SEMA3A: variants seen among roughly 807,000 people sequenced by gnomAD.
SEMA3A encodes the protein semaphorin-3A.
A neutral mutation model predicts 97.9 loss-of-function variants in SEMA3A; 29 were observed. That is an observed-to-expected ratio of 0.30 (90% CI 0.22 to 0.40). SEMA3A has a LOEUF of 0.40. SEMA3A is among the 10% of genes least tolerant of loss of function. SEMA3A has a pLI of 1.00. For synonymous variants in SEMA3A, 321 were observed against 323.7 expected (o/e 0.99, Z 0.09); for missense variants, 763 against 951.3 (o/e 0.80, Z 2.60).
intron 5 of SEMA3A, among the ~76,000 whole-genome samples, chr7:84,055,603 C>T (rs1280306140): frequency 2.6e-5 from 4 of 152,168 alleles, no homozygotes; most frequent in African/African-American, 9.7e-5. Flanking sequence ...CGCCCACTGT[C>T]TGGCACTCCC....
At chr7:84,348,718 C>T (rs985730194) in intron 2 of SEMA3A, among the ~76,000 whole-genome samples, 2 of 152,178 alleles carry the variant, frequency 1.3e-5, no homozygotes, top group African/African-American at 4.8e-5. Context: ...GGTGCAGTGG[C>T]TCACGCCTGT....
chr7:84,405,075 C>T (rs1804037557), intron 1 of SEMA3A, among the ~76,000 whole-genome samples: 1 of 152,110 alleles, frequency 6.6e-6, no homozygotes, highest in South Asian at 2.1e-4. Context: ...GGGCTAAATG[C>T]TCCAATTAAA....
At chr7:84,120,312 T>C (rs1020014886) in intron 3 of SEMA3A, among the ~76,000 whole-genome samples, 1 of 152,214 alleles carries the variant, frequency 6.6e-6, no homozygotes, top group East Asian at 1.9e-4. Flanking sequence ...TTATTTGCCA[T>C]GTATCTTTTA....
intron 1 of SEMA3A, among the ~76,000 whole-genome samples, chr7:84,173,007 C>T (rs1797440123): frequency 6.6e-6 from 1 of 152,096 alleles, no homozygotes; most frequent in South Asian, 2.1e-4. Flanking sequence ...TCTACATTAT[C>T]TTGTGTTCCT....
At chr7:84,137,418 G>A (rs201574693) in intron 1 of SEMA3A, among the ~76,000 whole-genome samples, 242 of 108,076 alleles carry the variant, frequency 2.2e-3, no homozygotes, top group Middle Eastern at 0.016. Flanking sequence ...AAAAAAAAAA[G>A]AAATGGCATT....
chr7:84,250,638 G>A (rs1799585343), intron 3 of SEMA3A, among the ~76,000 whole-genome samples: 1 of 152,234 alleles, frequency 6.6e-6, no homozygotes, highest in African/African-American at 2.4e-5. Flanking sequence ...CATTTGGGAG[G>A]CAAATATTTT....
chr7:84,488,317 T>TATACAC (rs371812440), intron 1 of SEMA3A, among the ~76,000 whole-genome samples: 2 of 145,768 alleles, frequency 1.4e-5, no homozygotes, highest in African/African-American at 2.5e-5. Flanking sequence ...TCTTCGTATA[T>TATACAC]ACACACACAC....
intron 2 of SEMA3A, among the ~76,000 whole-genome samples, chr7:84,331,283 G>T (rs918072218): frequency 1.3e-5 from 2 of 152,006 alleles, no homozygotes; most frequent in African/African-American, 4.8e-5. Context: ...TTCTTCCAAA[G>T]ATTTTTTAGC....
At chr7:84,038,949 A>G (rs1342663002) in intron 6 of SEMA3A, among the ~76,000 whole-genome samples, 2 of 152,128 alleles carry the variant, frequency 1.3e-5, no homozygotes, top group Non-Finnish European at 2.9e-5. Flanking sequence ...AACATATTAC[A>G]TATTCCTGAT....
At chr7:84,336,138 A>G (rs1802033903) in intron 2 of SEMA3A, among the ~76,000 whole-genome samples, 1 of 152,172 alleles carries the variant, frequency 6.6e-6, no homozygotes, top group Non-Finnish European at 1.5e-5. Flanking sequence ...GAATATAAGC[A>G]GGCAACTGTC....
chr7:84,282,738 G>A (rs1194100495), intron 3 of SEMA3A, among the ~76,000 whole-genome samples: 2 of 152,136 alleles, frequency 1.3e-5, no homozygotes, highest in Non-Finnish European at 2.9e-5. Flanking sequence ...TTGGGGCCGG[G>A]TGCAGTGGCT....
chr7:83,972,460 A>T lies in SEMA3A; in HGVS notation c.1717+4672T>A, dbSNP rs189907559. Among the ~76,000 whole-genome samples the T allele has an allele frequency of 9.9e-5, 15 of 152,218 alleles. No individual in the cohort carries two copies. The East Asian group carries it at 2.9e-3, about 29-fold the overall frequency. On this transcript the variant is annotated intron_variant, in intron 15 of 16. Coordinates refer to ENST00000265362, the MANE Select transcript of SEMA3A (RefSeq NM_006080.3). ...TGATTTTATAGCAAATGCATTACAA[A>T]AGAAAGCACAAATAATCTCTATGCC... is the stretch of plus-strand genomic sequence containing the variant.
chr7:84,313,407 A>AT (rs1801412583), intron 2 of SEMA3A, among the ~76,000 whole-genome samples: 1 of 119,056 alleles, frequency 8.4e-6, no homozygotes, highest in African/African-American at 3.3e-5. Flanking sequence ...TATATATATA[A>AT]ACTATACGTG....
At chr7:84,180,209 G>A (rs1021113533) in intron 1 of SEMA3A, among the ~76,000 whole-genome samples, 1 of 150,120 alleles carries the variant, frequency 6.7e-6, no homozygotes, top group Non-Finnish European at 1.5e-5. Flanking sequence ...GCCTCCCAAA[G>A]TCCTGGGATT....
At chr7:84,252,738 A>G (rs1489598698) in intron 3 of SEMA3A, among the ~76,000 whole-genome samples, 1 of 152,220 alleles carries the variant, frequency 6.6e-6, no homozygotes, top group Non-Finnish European at 1.5e-5. Flanking sequence ...TCTCTCATCT[A>G]TTTACAGAAA....
intron 1 of SEMA3A, among the ~76,000 whole-genome samples, chr7:84,163,142 A>G (rs1797093285): frequency 6.6e-6 from 1 of 152,170 alleles, no homozygotes; most frequent in African/African-American, 2.4e-5. Context: ...AAATCCACAT[A>G]ATAAATTGCT....
At chr7:84,394,090 T>A (rs1474026404) in intron 1 of SEMA3A, among the ~76,000 whole-genome samples, 1 of 152,196 alleles carries the variant, frequency 6.6e-6, no homozygotes, top group East Asian at 1.9e-4. Flanking sequence ...AAAATGTGAT[T>A]TCTACAGCTA....
At chr7:84,468,025 G>A (rs925733228) in intron 1 of SEMA3A, among the ~76,000 whole-genome samples, 7 of 152,114 alleles carry the variant, frequency 4.6e-5, no homozygotes, top group Admixed American at 1.3e-4. Flanking sequence ...TAGACTGTAC[G>A]TAGGCTCCCA....
At chr7:84,222,998 T>C (rs933019863) in intron 3 of SEMA3A, among the ~76,000 whole-genome samples, 1 of 151,878 alleles carries the variant, frequency 6.6e-6, no homozygotes, top group Admixed American at 6.6e-5. Context: ...TATAAAATCT[T>C]AGAATTATTT....
Sources: gnomAD v4.1 joint callset for allele counts (sites outside exome capture counted in the v4.1 genomes callset) on GRCh38, gnomAD v4.1.1 for gene constraint, MANE v1.5 for transcripts, NCBI Gene and HGNC (gene_info 2026-07-23, HGNC 2026-07-21) for gene names.